The following TBC1D32 variants were observed in gnomAD, a reference collection of about 807,000 sequenced individuals.
TBC1D32 encodes protein broad-minded.
Under a neutral mutation model 170.3 loss-of-function variants are expected in TBC1D32, and 151 were observed. The observed-to-expected ratio is 0.89, with a 90% CI of 0.78 to 1.01. TBC1D32 has a LOEUF of 1.01. TBC1D32 is among the 50% of genes least tolerant of loss of function. The pLI, the probability that TBC1D32 is intolerant of heterozygous loss-of-function variation, is 0.00. For synonymous variants in TBC1D32, 498 were observed against 488.0 expected, an observed-to-expected ratio of 1.02 and a Z score of -0.27; for missense variants, 1,464 against 1,457.1, an observed-to-expected ratio of 1.00 and a Z score of -0.08.
chr6:121,258,155 A>G (rs540147833), intron 15 of TBC1D32, among the ~76,000 whole-genome samples: 1 of 152,242 alleles, frequency 6.6e-6, no homozygotes, highest in South Asian at 2.1e-4. Flanking sequence ...GTTCCTTATG[A>G]CATTACTATA....
At chr6:121,219,697 G>A (rs1243663078) in intron 21 of TBC1D32, among the ~76,000 whole-genome samples, 1 of 152,180 alleles carries the variant, frequency 6.6e-6, no homozygotes, top group Non-Finnish European at 1.5e-5. Context: ...GGCATACCTT[G>A]TTTTATTGCA....
intron 1 of TBC1D32, 126 bp downstream of exon 1, chr6:121,334,150 A>G: frequency 1.4e-6 from 1 of 737,304 alleles, no homozygotes; most frequent in South Asian, 2.2e-5. Flanking sequence ...GGCAAATAAG[A>G]GAAAAAGTAA....
chr6:121,193,404 G>C (rs1790333721), intron 22 of TBC1D32, among the ~76,000 whole-genome samples: 1 of 152,180 alleles, frequency 6.6e-6, no homozygotes, highest in Non-Finnish European at 1.5e-5. Context: ...CCAGTTGGGA[G>C]GGTCCAGAAG....
At chr6:121,120,855 T>C (rs983488682) in intron 26 of TBC1D32, among the ~76,000 whole-genome samples, 1 of 151,976 alleles carries the variant, frequency 6.6e-6, no homozygotes, top group Non-Finnish European at 1.5e-5. Flanking sequence ...TATTTTCTTC[T>C]CATTTCTTTG....
Position 121,329,367 on chromosome 6 carries a change from G to A in TBC1D32, c.155+4909C>T, listed in dbSNP as rs576299696. Among the ~76,000 whole-genome samples the A allele has an allele frequency of 2.3e-3, 349 of 152,284 alleles. 1 individual carries two copies. Among genetic ancestry groups the A allele is most frequent in the African/African-American group, 8.1e-3 (335 of 41,560 alleles). ...CTTTTAGCTATTTAAAAAGGCAAGC[G>A]GTCAGGAGCAGTGGCTCACACCTGT... is the stretch of plus-strand genomic sequence containing the variant. On this transcript the variant is annotated intron_variant, in intron 1 of 31. Coordinates refer to ENST00000398212, the MANE Select transcript of TBC1D32 (RefSeq NM_152730.6).
At chr6:121,093,712 T>C (rs1402317970) in intron 30 of TBC1D32, among the ~76,000 whole-genome samples, 1 of 152,192 alleles carries the variant, frequency 6.6e-6, no homozygotes, top group Non-Finnish European at 1.5e-5. Context: ...TTGGCATGTA[T>C]ATACATTCAA....
At chr6:121,160,172 G>A in intron 23 of TBC1D32, 69 bp from the exon 24 acceptor site, 3 of 1,041,560 alleles carry the variant, frequency 2.9e-6, no homozygotes, top group Non-Finnish European at 4.3e-6. Context: ...AAAGCTATCT[G>A]AAATATTGTT....
At chr6:121,118,820 A>G (rs1342920498) in intron 26 of TBC1D32, among the ~76,000 whole-genome samples, 1 of 152,144 alleles carries the variant, frequency 6.6e-6, no homozygotes, top group East Asian at 1.9e-4. Flanking sequence ...TCTAATATGT[A>G]ATTGTATCCA....
At chr6:121,142,868 C>T (rs768543650) in intron 24 of TBC1D32, among the ~76,000 whole-genome samples, 2 of 152,264 alleles carry the variant, frequency 1.3e-5, no homozygotes, top group East Asian at 1.9e-4. Context: ...TTACTACCTT[C>T]CTGTTCCATA....
intron 12 of TBC1D32, among the ~76,000 whole-genome samples, chr6:121,289,042 A>G (rs1214323342): frequency 6.6e-6 from 1 of 152,228 alleles, no homozygotes; most frequent in Admixed American, 6.5e-5. Context: ...CCTACAGCCA[A>G]TATCATACTG....
intron 2 of TBC1D32, among the ~76,000 whole-genome samples, chr6:121,319,457 C>T (rs1809390217): frequency 6.6e-6 from 1 of 152,144 alleles, no homozygotes; most frequent in Admixed American, 6.6e-5. Flanking sequence ...GCTGTTCTCT[C>T]CTTCCACAGT....
At chr6:121,301,300 A>C (rs1039959330) in intron 9 of TBC1D32, among the ~76,000 whole-genome samples, 2 of 152,116 alleles carry the variant, frequency 1.3e-5, no homozygotes, top group Non-Finnish European at 2.9e-5. Context: ...CAAATGCCCA[A>C]TGATAGACTG....
chr6:121,244,742 C>T (rs1797398465), intron 17 of TBC1D32, among the ~76,000 whole-genome samples: 1 of 152,112 alleles, frequency 6.6e-6, no homozygotes, highest in South Asian at 2.1e-4. Flanking sequence ...ATACAGTATG[C>T]TAAATTTATA....
intron 12 of TBC1D32, among the ~76,000 whole-genome samples, chr6:121,287,463 T>C (rs1031065801): frequency 1.3e-5 from 2 of 152,148 alleles, no homozygotes; most frequent in African/African-American, 2.4e-5. Flanking sequence ...CTATCCTAAA[T>C]ATATATGCAC....
intron 30 of TBC1D32, among the ~76,000 whole-genome samples, chr6:121,100,328 C>T (rs2128185476): frequency 6.6e-6 from 1 of 151,980 alleles, no homozygotes; most frequent in South Asian, 2.1e-4. Flanking sequence ...TCCTTTTTAA[C>T]TTTCTGTCTC....
intron 21 of TBC1D32, among the ~76,000 whole-genome samples, chr6:121,208,370 C>T (rs6925413): frequency 0.079 from 11,992 of 152,094 alleles, 785 homozygotes; most frequent in African/African-American, 0.17. Context: ...TCCTTCTTCA[C>T]ATGGCAGCAG....
rs752016930 is a variant in TBC1D32, at chr6:121,115,159, C to T, written c.3053+13G>A. Reference sequence around the variant, plus strand: ...CTAGAAATGCACAAGGGAGCTATTTCCCTATAATATACCTGACAGTCATTT... The same window carrying T: ...CTAGAAATGCACAAGGGAGCTATTTTCCTATAATATACCTGACAGTCATTT... On this transcript the variant is annotated intron_variant, in intron 27 of 31. Transcript: ENST00000398212. 5.1e-6 allele frequency: 8 copies of T among 1,579,178 alleles called. No individual in the cohort carries two copies. The Admixed American group carries it at 1.4e-4, about 28-fold the overall frequency.
intron 24 of TBC1D32, among the ~76,000 whole-genome samples, chr6:121,147,134 C>G (rs76351220): frequency 6.6e-6 from 1 of 152,168 alleles, no homozygotes; most frequent in Admixed American, 6.5e-5. Flanking sequence ...ATCCATGTTG[C>G]TGCAAAGGAC....
In TBC1D32 at chr6:121,243,654, T is replaced by C. The variant is rs1353184671; in HGVS notation, c.2019-1315A>G. On this transcript the variant is annotated intron_variant, in intron 17 of 31. Transcript: ENST00000398212. Reference sequence around the variant, plus strand: ...TATATTGTCTTTTCAAGCAGACAGATTTTTTTTTCAACTGACCCTGTAATG... The same window carrying C: ...TATATTGTCTTTTCAAGCAGACAGACTTTTTTTTCAACTGACCCTGTAATG... Among the ~76,000 whole-genome samples, 4 of 151,388 alleles carry C rather than the reference T, an allele frequency of 2.6e-5. No individual in the cohort carries two copies. In the East Asian group the frequency reaches 7.8e-4, roughly 29 times the overall value.
Sources: allele counts gnomAD v4.1 joint callset (sites outside exome capture counted in the v4.1 genomes callset), GRCh38; gene constraint gnomAD v4.1.1; transcripts MANE v1.5; gene names NCBI Gene and HGNC (gene_info 2026-07-23, HGNC 2026-07-21).